The following CUL2 variants were observed in gnomAD, a reference collection of about 807,000 sequenced individuals.
CUL2 encodes the protein cullin 2.
A neutral mutation model predicts 110.2 loss-of-function variants in CUL2; 22 were observed. The observed-to-expected ratio is 0.20, with a 90% CI of 0.14 to 0.28. The LOEUF (loss-of-function observed/expected upper bound fraction) is 0.28. Ranked by LOEUF, CUL2 falls within the 10% of genes least tolerant of loss-of-function variation. The pLI is 1.00. For synonymous variants in CUL2, 279 were observed against 293.2 expected (o/e 0.95, Z 0.49); for missense variants, 631 against 905.5 (o/e 0.70, Z 3.89).
chr10:35,068,093 G>C (rs1210289387), intron 2 of CUL2, among the ~76,000 whole-genome samples: 1 of 141,622 alleles, frequency 7.1e-6, no homozygotes, highest in Admixed American at 7.2e-5. Context: ...CTGGGCGACA[G>C]AGCGAGACTC....
chr10:35,012,415 C>T (rs2084925903), intron 19 of CUL2, among the ~76,000 whole-genome samples: 2 of 152,130 alleles, frequency 1.3e-5, no homozygotes, highest in African/African-American at 2.4e-5. Context: ...TCTTTCATGA[C>T]GCTTTTAGAT....
At chr10:35,119,560 TTTTATTTATTTATTTATTTATTTATTTA>T (rs10589195) in intron 1 of CUL2, among the ~76,000 whole-genome samples, 3 of 140,692 alleles carry the variant, frequency 2.1e-5, no homozygotes, top group Non-Finnish European at 3.1e-5. Flanking sequence ...TTAAAATTAA[TTTTATTTATTTATTTATTTATTTATTTA>T]TTTATTTATT....
At chr10:35,100,609 A>C (rs1397632850) in intron 2 of CUL2, among the ~76,000 whole-genome samples, 1 of 152,108 alleles carries the variant, frequency 6.6e-6, no homozygotes, top group African/African-American at 2.4e-5. Flanking sequence ...TAAAAATAGA[A>C]AAATTAACTG....
intron 6 of CUL2, among the ~76,000 whole-genome samples, chr10:35,048,804 T>C (rs1002644615): frequency 6.6e-6 from 1 of 152,200 alleles, no homozygotes; most frequent in African/African-American, 2.4e-5. Context: ...AATTTAAAAA[T>C]ATTCTCTTAT....
intron 16 of CUL2, among the ~76,000 whole-genome samples, chr10:35,025,982 G>A (rs886266534): frequency 5.3e-5 from 8 of 152,080 alleles, no homozygotes; most frequent in African/African-American, 1.9e-4. Flanking sequence ...TTTACCTTTT[G>A]TACTTTAAAA....
rs1201427292 is a variant in CUL2 at position 35,103,926 on chromosome 10, T to TA, written c.-50-2867dup. 6.2e-3 allele frequency among the ~76,000 whole-genome samples: 896 copies of TA among 144,490 alleles called. 6 individuals are homozygous for TA. The highest frequency in any genetic ancestry group is 8.7e-3 in the Non-Finnish European group (569 of 65,668). The allele number at this position is 144,490 out of a possible 152,430, so 94.8% of individuals were successfully genotyped here. ...GATCTTGGAATTGAGGGGATCCACTTAAAAAAAAAAAAGAATGTAAAAATG... is the reference window on the plus strand; with the variant it reads ...GATCTTGGAATTGAGGGGATCCACTTAAAAAAAAAAAAAGAATGTAAAAATG... On this transcript the variant is annotated intron_variant, in intron 1 of 5. Transcript: ENST00000685421.
chr10:35,087,634 C>T (rs1245071663), intron 1 of CUL2, among the ~76,000 whole-genome samples: 1 of 152,206 alleles, frequency 6.6e-6, no homozygotes, highest in Non-Finnish European at 1.5e-5. Context: ...GCATCATCAT[C>T]CTCCAGCAGA....
intron 6 of CUL2, among the ~76,000 whole-genome samples, chr10:35,048,085 A>G (rs964615376): frequency 6.6e-6 from 1 of 152,198 alleles, no homozygotes; most frequent in Non-Finnish European, 1.5e-5. Flanking sequence ...TAATAGTATT[A>G]GCCTTCCAGT....
intron 1 of CUL2, among the ~76,000 whole-genome samples, chr10:35,079,105 C>T (rs139006326): frequency 2.0e-5 from 3 of 152,318 alleles, no homozygotes; most frequent in East Asian, 3.9e-4. Flanking sequence ...CATATACATA[C>T]ATACCTATGA....
intron 8 of CUL2, 77 bp from the exon 9 acceptor site, chr10:35,039,159 C>G (rs2085712072): frequency 2.2e-6 from 2 of 910,614 alleles, no homozygotes; most frequent in African/African-American, 3.4e-5. Context: ...GCAAGTAACT[C>G]AGCCAAATTT....
upstream of CUL2, chr10:35,090,580 C>CA (rs2135083696): frequency 6.5e-6 from 1 of 152,764 alleles, no homozygotes; most frequent in Admixed American, 6.5e-5. Flanking sequence ...CTTTGCCCAA[C>CA]ACACACCCTC....
Position 35,090,201 on chromosome 10 carries a change from G to T in CUL2, c.-45C>A. 1 of 153,382 alleles carries T rather than the reference G, an allele frequency of 6.5e-6. No individual in the cohort carries two copies. Among genetic ancestry groups the T allele is most frequent in the South Asian group, 1.8e-4 (1 of 5,580 alleles). 9.5% of individuals were successfully genotyped at this position (153,382 alleles called of 1,614,324 possible). On this transcript the variant is annotated 5_prime_UTR_variant, in exon 1 of 21. Transcript: ENST00000374749. ...TACCTTCTGCAGAAGCAGGGCAAGG[G>T]GCAGGGGACAAGGGGAGGGGGAGGC...
chr10:35,062,821 A>C, intron 3 of CUL2, 139 bp downstream of exon 3: 1 of 593,424 alleles, frequency 1.7e-6, no homozygotes, highest in South Asian at 2.1e-5. Flanking sequence ...TGGGCAACAG[A>C]GCAAGACCCT....
rs759409241 is a variant in CUL2, at chr10:35,030,375, CT to C, written c.1387-736del. Among the ~76,000 whole-genome samples the C allele has an allele frequency of 1.5e-4, 22 of 151,598 alleles. No homozygotes were observed. In the East Asian group the frequency reaches 1.5e-3, roughly 11 times the overall value. On this transcript the variant is annotated intron_variant, in intron 14 of 20. Coordinates refer to ENST00000374749, the MANE Select transcript of CUL2 (RefSeq NM_003591.4). ...AAATATAAAAAGCTCATTAACACTA[CT>C]TTTTTTTTGTAATTAATCTATTTAG... is the stretch of plus-strand genomic sequence containing the variant.
chr10:35,037,003 A>G (rs115459802), intron 9 of CUL2, among the ~76,000 whole-genome samples: 4,099 of 152,224 alleles, frequency 0.027, 181 homozygotes, highest in African/African-American at 0.09. Context: ...GCCTTTTAAT[A>G]ATCCAAAGTT....
chr10:35,051,283 C>G (rs1185705915), intron 5 of CUL2, among the ~76,000 whole-genome samples: 1 of 149,308 alleles, frequency 6.7e-6, no homozygotes, highest in East Asian at 2.0e-4. Flanking sequence ...CCACTGCACT[C>G]CCGCCCAGGT....
At chr10:35,019,295 A>C (rs779712218) in intron 17 of CUL2, among the ~76,000 whole-genome samples, 1 of 152,150 alleles carries the variant, frequency 6.6e-6, no homozygotes, top group Non-Finnish European at 1.5e-5. Context: ...CGAGACCCAA[A>C]GAGCATTAGG....
chr10:35,057,384 C>T (rs923413354), intron 4 of CUL2, among the ~76,000 whole-genome samples: 2 of 152,140 alleles, frequency 1.3e-5, no homozygotes, highest in Non-Finnish European at 2.9e-5. Flanking sequence ...TGGCCAGGCA[C>T]GGTGGCTCAT....
intron 1 of CUL2, among the ~76,000 whole-genome samples, chr10:35,075,524 A>C (rs1054477035): frequency 6.6e-6 from 1 of 151,854 alleles, no homozygotes; most frequent in African/African-American, 2.4e-5. Flanking sequence ...CAAAAATCCA[A>C]ATCTCCTGAA....
Sources: gnomAD v4.1 joint callset for allele counts (sites outside exome capture counted in the v4.1 genomes callset) on GRCh38, gnomAD v4.1.1 for gene constraint, MANE v1.5 for transcripts, NCBI Gene and HGNC (gene_info 2026-07-23, HGNC 2026-07-21) for gene names.